GPHN: variants seen among roughly 807,000 people sequenced by gnomAD.
The protein encoded by GPHN is gephyrin.
In GPHN, 17 loss-of-function variants were observed where a neutral mutation model predicts 95.5. That is an observed-to-expected ratio of 0.18 (90% confidence interval 0.12 to 0.27). The LOEUF (loss-of-function observed/expected upper bound fraction) is 0.27. GPHN is among the 10% of genes least tolerant of loss of function. The probability of loss-of-function intolerance (pLI) is 1.00; values close to 1 mark genes in which losing one functional copy is unlikely to be tolerated. For synonymous variants in GPHN, 320 were observed against 322.5 expected, an observed-to-expected ratio of 0.99 and a Z score of 0.08; for missense variants, 660 against 978.1, an observed-to-expected ratio of 0.67 and a Z score of 4.34.
At chr14:67,665,513 G>A in the GPHN span, among the ~76,000 whole-genome samples, 12 of 151,806 alleles carry the variant, frequency 7.9e-5, no homozygotes, top group South Asian at 1.5e-3. Flanking sequence ...GGCAATCCTC[G>A]ACCTCAGCCT....
chr14:67,143,533 A>G, intron 18 of GPHN, 84 bp downstream of exon 18: 1 of 880,798 alleles, frequency 1.1e-6, no homozygotes, highest in Non-Finnish European at 1.9e-6. Flanking sequence ...TAGGCATCTG[A>G]TATTCATAAC....
chr14:67,453,585 C>CAT, the GPHN span, among the ~76,000 whole-genome samples: 2 of 152,232 alleles, frequency 1.3e-5, no homozygotes, highest in African/African-American at 4.8e-5. Flanking sequence ...ATGCTGATGG[C>CAT]CTGAGCTGTT....
At chr14:67,685,306 G>A in the GPHN span, 2 of 878,222 alleles carry the variant, frequency 2.3e-6, no homozygotes, top group Non-Finnish European at 3.5e-6. Context: ...TTCACATATG[G>A]ACTCTTTTGC....
intron 20 of GPHN, among the ~76,000 whole-genome samples, chr14:67,168,619 T>C (rs1301607789): frequency 1.3e-5 from 2 of 152,106 alleles, no homozygotes; most frequent in South Asian, 4.1e-4. Flanking sequence ...TAAAACAAGA[T>C]TAGTAATGAG....
At chr14:67,550,741 T>C in the GPHN span, among the ~76,000 whole-genome samples, 4 of 152,250 alleles carry the variant, frequency 2.6e-5, no homozygotes, top group Admixed American at 2.6e-4. Context: ...TGGATTTTTA[T>C]GTGACATGTG....
At chr14:66,815,132 G>A (rs113394046) in intron 3 of GPHN, among the ~76,000 whole-genome samples, 2,376 of 152,160 alleles carry the variant, frequency 0.016, 32 homozygotes, top group Non-Finnish European at 0.018. Flanking sequence ...AAGTATGGAA[G>A]GGAATGAACA....
At chr14:67,671,808 C>G in the GPHN span, among the ~76,000 whole-genome samples, 1 of 152,144 alleles carries the variant, frequency 6.6e-6, no homozygotes, top group Non-Finnish European at 1.5e-5. Flanking sequence ...GGAAGGGCAA[C>G]AGATCAAGAG....
chr14:67,632,173 C>A, the GPHN span, among the ~76,000 whole-genome samples: 1 of 152,222 alleles, frequency 6.6e-6, no homozygotes, highest in Non-Finnish European at 1.5e-5. Flanking sequence ...AGGCATGAGC[C>A]ACTATGCCCA....
At chr14:66,723,986 T>C (rs28707601) in intron 2 of GPHN, among the ~76,000 whole-genome samples, 31,818 of 127,664 alleles carry the variant, frequency 0.25, 6,339 homozygotes, top group African/African-American at 0.56. Flanking sequence ...CATGCATACA[T>C]ACACACACAC....
the GPHN span, among the ~76,000 whole-genome samples, chr14:67,372,907 A>G: frequency 6.6e-6 from 1 of 152,324 alleles, no homozygotes; most frequent in African/African-American, 2.4e-5. Flanking sequence ...TTGAATAGAC[A>G]CTTTGCCAGA....
intron 21 of GPHN, among the ~76,000 whole-genome samples, chr14:67,172,000 A>G (rs1261489855): frequency 6.6e-6 from 1 of 152,134 alleles, no homozygotes; most frequent in Non-Finnish European, 1.5e-5. Context: ...CCACAGAGCT[A>G]TGCTCCCCCC....
chr14:67,292,929 AAG>A, the GPHN span, among the ~76,000 whole-genome samples: 15 of 152,194 alleles, frequency 9.9e-5, no homozygotes, highest in African/African-American at 1.4e-4. Context: ...CTGTTTCATG[AAG>A]AGTTAATTTT....
At chr14:66,984,393 C>G (rs2070882326) in intron 9 of GPHN, among the ~76,000 whole-genome samples, 1 of 152,140 alleles carries the variant, frequency 6.6e-6, no homozygotes, top group Non-Finnish European at 1.5e-5. Flanking sequence ...TTCTGTTCCA[C>G]TAAGAATAGT....
intron 1 of GPHN, among the ~76,000 whole-genome samples, chr14:66,576,199 A>G (rs1595047925): frequency 1.3e-5 from 2 of 151,972 alleles, no homozygotes; most frequent in Non-Finnish European, 2.9e-5. Context: ...TTCTGTGGGC[A>G]TGGGCCTGGA....
At chr14:67,088,906 ATGCCCATCT>A in intron 11 of GPHN, 68 bp from the exon 12 acceptor site, 1 of 811,654 alleles carries the variant, frequency 1.2e-6, no homozygotes, top group Middle Eastern at 2.2e-4. Context: ...ACAAGCACTC[ATGCCCATCT>A]TGTTTATGAC....
the GPHN span, among the ~76,000 whole-genome samples, chr14:67,379,654 C>CTTTTTTTTTTTTTTTTTT: frequency 7.5e-5 from 9 of 119,956 alleles, no homozygotes; most frequent in East Asian, 3.0e-4. Flanking sequence ...TTTTCTTTTT[C>CTTTTTTTTTTTTTTTTTT]TTTTTTTTTT....
the GPHN span, among the ~76,000 whole-genome samples, chr14:67,608,195 G>A: frequency 1.3e-5 from 2 of 152,156 alleles, no homozygotes; most frequent in Non-Finnish European, 2.9e-5. Context: ...AGTGAGCCAT[G>A]TTCATGCCAC....
At chr14:67,085,673 G>T (rs531378778) in intron 11 of GPHN, among the ~76,000 whole-genome samples, 5 of 152,132 alleles carry the variant, frequency 3.3e-5, no homozygotes, top group Non-Finnish European at 7.4e-5. Flanking sequence ...GTAGTTTTTT[G>T]TTGTTGATGA....
At chr14:66,657,553 T>A (rs1271798814) in intron 1 of GPHN, among the ~76,000 whole-genome samples, 2 of 152,206 alleles carry the variant, frequency 1.3e-5, no homozygotes, top group African/African-American at 4.8e-5. Flanking sequence ...CATGAGTTAG[T>A]GGCTAATGCA....
Sources: gnomAD v4.1 joint callset for allele counts (sites outside exome capture counted in the v4.1 genomes callset) on GRCh38, gnomAD v4.1.1 for gene constraint, MANE v1.5 for transcripts, NCBI Gene and HGNC (gene_info 2026-07-23, HGNC 2026-07-21) for gene names.